Variants in EIF2AK4 observed in about 807,000 individuals in gnomAD.
The protein encoded by EIF2AK4 is eukaryotic translation initiation factor 2 alpha kinase 4.
Under a neutral mutation model 211.1 loss-of-function variants are expected in EIF2AK4, and 139 were observed. The observed-to-expected ratio is 0.66, with a 90% CI of 0.57 to 0.76. The LOEUF (loss-of-function observed/expected upper bound fraction) is 0.76, where lower values mean the gene tolerates loss of function less well. Among genes scored for constraint, EIF2AK4 ranks in the 30% least tolerant of loss-of-function variants. The pLI, the probability that EIF2AK4 is intolerant of heterozygous loss-of-function variation, is 0.00. For synonymous variants in EIF2AK4, 710 were observed against 751.3 expected (o/e 0.94, Z 0.90); for missense variants, 1,664 against 2,043.8 (o/e 0.81, Z 3.58).
chr15:40,016,711 G>A (rs767142735), intron 28 of EIF2AK4, 39 bp downstream of exon 28: 1 of 1,600,672 alleles, frequency 6.2e-7, no homozygotes, highest in Non-Finnish European at 8.5e-7. Flanking sequence ...CAAATGTGTA[G>A]CATTACTAAT....
At chr15:39,958,623 CAAATT>C (rs2034424523) in intron 6 of EIF2AK4, among the ~76,000 whole-genome samples, 2 of 152,268 alleles carry the variant, frequency 1.3e-5, no homozygotes, top group Non-Finnish European at 2.9e-5. Flanking sequence ...TGGTTTACCT[CAAATT>C]AAACAATATC....
At chr15:40,000,726 AT>A (rs1347506827) in intron 20 of EIF2AK4, among the ~76,000 whole-genome samples, 2 of 151,974 alleles carry the variant, frequency 1.3e-5, no homozygotes, top group Non-Finnish European at 2.9e-5. Context: ...GTAGTTGTTG[AT>A]TTGATTTTTT....
chr15:39,956,714 A>AT (rs2034397408), intron 6 of EIF2AK4, among the ~76,000 whole-genome samples: 1 of 152,224 alleles, frequency 6.6e-6, no homozygotes, highest in African/African-American at 2.4e-5. Context: ...ACCATTTATG[A>AT]GTGGGGTGGG....
At chr15:40,014,667 C>A (rs1412246657) in intron 27 of EIF2AK4, among the ~76,000 whole-genome samples, 1 of 152,216 alleles carries the variant, frequency 6.6e-6, no homozygotes, top group Non-Finnish European at 1.5e-5. Context: ...CTCTGACATG[C>A]CCTGGAGACA....
At chr15:39,995,266 T>C (rs1170144103) in intron 18 of EIF2AK4, among the ~76,000 whole-genome samples, 1 of 152,212 alleles carries the variant, frequency 6.6e-6, no homozygotes, top group African/African-American at 2.4e-5. Flanking sequence ...ATGTTTTCTA[T>C]AGCCAACACG....
chr15:39,940,392 T>C (rs896347872), intron 2 of EIF2AK4, among the ~76,000 whole-genome samples: 1 of 152,162 alleles, frequency 6.6e-6, no homozygotes, highest in Non-Finnish European at 1.5e-5. Context: ...GTGAAGGTTT[T>C]TGAGATGGAA....
chr15:39,973,230 G>A (rs964442516), intron 10 of EIF2AK4, among the ~76,000 whole-genome samples: 1 of 152,154 alleles, frequency 6.6e-6, no homozygotes, highest in Non-Finnish European at 1.5e-5. Flanking sequence ...CATTGCTGTA[G>A]TCTCTTGTAG....
intron 15 of EIF2AK4, 113 bp from the exon 16 acceptor site, chr15:39,990,160 G>A: frequency 1.0e-6 from 1 of 975,010 alleles, no homozygotes; most frequent in Non-Finnish European, 1.6e-6. Flanking sequence ...AGGGTGGTCT[G>A]TGGGAGAAGA....
At chr15:40,025,874 C>G (rs921101852) in intron 32 of EIF2AK4, 103 bp from the exon 33 acceptor site, 2 of 1,142,514 alleles carry the variant, frequency 1.8e-6, no homozygotes, top group African/African-American at 3.1e-5. Context: ...GGTTAAGAAC[C>G]ACTGACCCAA....
intron 4 of EIF2AK4, among the ~76,000 whole-genome samples, chr15:39,949,822 C>T (rs2034282097): frequency 6.6e-6 from 1 of 151,904 alleles, no homozygotes; most frequent in African/African-American, 2.4e-5. Flanking sequence ...TTTATAAACT[C>T]CTGTTTATAT....
intron 13 of EIF2AK4, 61 bp downstream of exon 13, chr15:39,978,208 T>A: frequency 1.0e-6 from 1 of 984,546 alleles, no homozygotes; most frequent in Non-Finnish European, 1.5e-6. Flanking sequence ...TCTGATGTCA[T>A]AAACCTTAGG....
At chr15:39,953,849 A>T (rs1396087103) in intron 4 of EIF2AK4, 55 bp from the exon 5 acceptor site, 27 of 1,533,076 alleles carry the variant, frequency 1.8e-5, no homozygotes, top group Non-Finnish European at 2.3e-5. Context: ...TCCATAATTT[A>T]TATGTTGTAT....
At chr15:39,995,172 T>TG (rs1179295298) in intron 18 of EIF2AK4, among the ~76,000 whole-genome samples, 1 of 152,050 alleles carries the variant, frequency 6.6e-6, no homozygotes, top group African/African-American at 2.4e-5. Flanking sequence ...AAAACCAAAG[T>TG]GGGGGCATCT....
intron 20 of EIF2AK4, among the ~76,000 whole-genome samples, chr15:40,000,100 C>T (rs1018901197): frequency 1.3e-5 from 2 of 152,154 alleles, no homozygotes; most frequent in Non-Finnish European, 2.9e-5. Context: ...TTTTGCCATG[C>T]ACATTTACCA....
At chr15:40,003,455 TGA>T (rs2035120036) in intron 23 of EIF2AK4, 141 bp downstream of exon 23, 1 of 1,339,566 alleles carries the variant, frequency 7.5e-7, no homozygotes, top group East Asian at 2.5e-5. Context: ...GTTGTCAGAG[TGA>T]GAGTGTTACT....
At chr15:39,976,387 G>T in intron 11 of EIF2AK4, 27 bp from the exon 12 acceptor site, 1 of 1,563,256 alleles carries the variant, frequency 6.4e-7, no homozygotes, top group Non-Finnish European at 8.7e-7. Context: ...GCTCCGAGCG[G>T]CTGACCTTCC....
At position 39,996,998 on chromosome 15, in the gene EIF2AK4, T is replaced by C; in HGVS notation, c.2801T>C (p.Phe934Ser). ...CTCTTCAGCCTGGGAATTATCTTCT[T>C]TGAGATGTCCTATCACCCCATGGTC... ...VDLFSLGIIF[F>S]EMSYHPMVTA... The change falls in exon 19 of 39, where the codon TTT becomes TCT. Residue 934 changes from phenylalanine to serine, a missense_variant. Phe to Ser is a radical substitution (Grantham distance 155, BLOSUM62 -2). Coordinates refer to ENST00000263791, the MANE Select transcript of EIF2AK4 (RefSeq NM_001013703.4). 1 of 1,614,056 alleles carries C rather than the reference T, an allele frequency of 6.2e-7. No individual in the cohort carries two copies. The highest frequency in any genetic ancestry group is 8.5e-7 in the Non-Finnish European group (1 of 1,179,928).
At chr15:39,988,209 A>C (rs751043821) in intron 15 of EIF2AK4, 104 bp downstream of exon 15, 62 of 1,253,568 alleles carry the variant, frequency 4.9e-5, no homozygotes, top group Non-Finnish European at 7.0e-5. Flanking sequence ...AATAGAGGGA[A>C]AGCTATGGGT....
At position 39,965,035 on chromosome 15, in the gene EIF2AK4, A is replaced by T. The variant is rs547478045; in HGVS notation, c.860-651A>T. On this transcript the variant is annotated intron_variant, in intron 7 of 38. Transcript: ENST00000263791. ...GTCATTTTAGTTGGTATTTAGCTGTATGAGTGTACACCAGTAGACACAGTC... is the reference window on the plus strand; with the variant it reads ...GTCATTTTAGTTGGTATTTAGCTGTTTGAGTGTACACCAGTAGACACAGTC... 1.2e-3 allele frequency among the ~76,000 whole-genome samples: 183 copies of T among 152,348 alleles called. 1 individual carries two copies. The highest frequency in any genetic ancestry group is 4.2e-3 in the African/African-American group (176 of 41,582).
Sources: allele counts gnomAD v4.1 joint callset (sites outside exome capture counted in the v4.1 genomes callset), GRCh38; gene constraint gnomAD v4.1.1; transcripts MANE v1.5; gene names NCBI Gene and HGNC (gene_info 2026-07-23, HGNC 2026-07-21).